The following IMPA1 variants were observed in gnomAD, a reference collection of about 807,000 sequenced individuals.
IMPA1 encodes the protein D-galactose 1-phosphate phosphatase.
In IMPA1, 21 loss-of-function variants were observed where a neutral mutation model predicts 34.9. The ratio of observed to expected loss-of-function variants is 0.60; its 90% CI spans 0.43 to 0.87. The LOEUF (loss-of-function observed/expected upper bound fraction) is 0.87. Ranked by LOEUF, IMPA1 falls within the 40% of genes least tolerant of loss-of-function variation. IMPA1 has a pLI of 0.00. For synonymous variants in IMPA1, 95 were observed against 104.4 expected, an observed-to-expected ratio of 0.91 and a Z score of 0.55; for missense variants, 299 against 336.4, an observed-to-expected ratio of 0.89 and a Z score of 0.87.
chr8:81,680,476 A>G (rs1309066604), intron 3 of IMPA1, among the ~76,000 whole-genome samples, 174 bp downstream of exon 3: 2 of 152,242 alleles, frequency 1.3e-5, no homozygotes, highest in Non-Finnish European at 2.9e-5. Flanking sequence ...ACGTGAGTGA[A>G]TGGATCCTTC....
chr8:81,658,679 A>G lies in IMPA1; in HGVS notation c.*672T>C, dbSNP rs78891846. On this transcript the variant is annotated 3_prime_UTR_variant, in exon 9 of 9. Transcript: ENST00000256108. ...GTATGGTAATGTGAAATGGCATGGTAACGTGAAATAAAAAAAATTTAACTA... is the reference window on the plus strand; with the variant it reads ...GTATGGTAATGTGAAATGGCATGGTGACGTGAAATAAAAAAAATTTAACTA... The G allele has an allele frequency of 0.051, 7,772 of 152,730 alleles. 221 individuals carry two copies. Among genetic ancestry groups the G allele is most frequent in the Middle Eastern group, 0.14 (40 of 294 alleles). 9.5% of individuals were successfully genotyped at this position (152,730 alleles called of 1,614,324 possible).
chr8:81,669,137 G>A (rs1231859726), intron 7 of IMPA1, among the ~76,000 whole-genome samples: 1 of 152,168 alleles, frequency 6.6e-6, no homozygotes, highest in African/African-American at 2.4e-5. Context: ...AGCCACAGTG[G>A]AACTGTGGGG....
chr8:81,663,513 C>A (rs2400590), intron 7 of IMPA1, among the ~76,000 whole-genome samples: 4,487 of 152,328 alleles, frequency 0.029, 97 homozygotes, highest in South Asian at 0.086. Context: ...CGATCTCAAG[C>A]AGCCACATCA....
At position 81,657,143 on chromosome 8, in the gene IMPA1, A is replaced by G. The variant is rs141693012; in HGVS notation, c.*2208T>C. On this transcript the variant is annotated 3_prime_UTR_variant, in exon 9 of 9. Transcript: ENST00000256108. ...TCTAAAGAAATTTCAGACACAAAAT[A>G]TGCAACTGCATTTAGAATAAACAGA... Among the ~76,000 whole-genome samples the G allele has an allele frequency of 3.9e-3, 591 of 152,358 alleles. No individual in the cohort carries two copies. The highest frequency in any genetic ancestry group is 7.3e-3 in the Admixed American group (112 of 15,304).
chr8:81,684,130 TACAC>T (rs987057002), intron 1 of IMPA1, among the ~76,000 whole-genome samples: 3 of 114,190 alleles, frequency 2.6e-5, no homozygotes, highest in Non-Finnish European at 5.9e-5. Flanking sequence ...CACACACACA[TACAC>T]ACATACACAC....
At chr8:81,668,225 C>T (rs1806890693) in intron 7 of IMPA1, among the ~76,000 whole-genome samples, 1 of 152,124 alleles carries the variant, frequency 6.6e-6, no homozygotes, top group South Asian at 2.1e-4. Context: ...TGCATGGTTA[C>T]TTTTGACCAT....
chr8:81,678,848 C>T (rs1421920381), intron 4 of IMPA1, among the ~76,000 whole-genome samples: 2 of 152,108 alleles, frequency 1.3e-5, no homozygotes, highest in Non-Finnish European at 2.9e-5. Flanking sequence ...GTTTGCTTCC[C>T]TTTTTAGATA....
chr8:81,680,797 T>C lies in IMPA1; in HGVS notation c.64-14A>G. On this transcript the variant is annotated splice_polypyrimidine_tract_variant and intron_variant, in intron 2 of 8. Coordinates refer to ENST00000256108, the MANE Select transcript of IMPA1 (RefSeq NM_005536.4). Reference sequence around the variant, plus strand: ...TTCACAAACTACCTAAAAAGAGGTTTTGGTAAGCAAATAGAAAAGGCATAA... The same window carrying C: ...TTCACAAACTACCTAAAAAGAGGTTCTGGTAAGCAAATAGAAAAGGCATAA... 1.9e-6 allele frequency: 3 copies of C among 1,575,428 alleles called. No individual in the cohort carries two copies. The highest frequency in any genetic ancestry group is 2.6e-6 in the Non-Finnish European group (3 of 1,154,142).
chr8:81,685,159 A>T (rs1807466472), intron 1 of IMPA1, among the ~76,000 whole-genome samples: 1 of 136,040 alleles, frequency 7.4e-6, no homozygotes, highest in African/African-American at 2.7e-5. Flanking sequence ...TATACTATAC[A>T]TAAGTATATT....
chr8:81,674,312 G>T, intron 5 of IMPA1: 1 of 191,876 alleles, frequency 5.2e-6, no homozygotes, highest in Non-Finnish European at 1.1e-5. Context: ...TAGTCTCTTG[G>T]ATTTTTCTTC....
chr8:81,668,927 A>G (rs977731322), intron 7 of IMPA1, among the ~76,000 whole-genome samples: 11 of 152,192 alleles, frequency 7.2e-5, no homozygotes, highest in Non-Finnish European at 1.0e-4. Flanking sequence ...TGCTCCCTAC[A>G]TCCCAGCCAA....
At position 81,658,792 on chromosome 8, in the gene IMPA1, T is replaced by C. The variant is rs1479772372; in HGVS notation, c.*559A>G. On this transcript the variant is annotated 3_prime_UTR_variant, in exon 9 of 9. Transcript: ENST00000256108. The stretch of plus-strand genomic sequence containing the variant: ...CTATTGTAACTAGGAATTACTACAT[T>C]AAAAATATTCATTCTTACAATGTTT... The C allele has an allele frequency of 6.6e-6, 1 of 152,668 alleles. No individual in the cohort carries two copies. The highest frequency in any genetic ancestry group is 1.5e-5 in the Non-Finnish European group (1 of 68,142). The allele number at this position is 152,668 out of a possible 1,614,324, so 9.5% of individuals were successfully genotyped here. A position where few individuals can be genotyped will look rare whatever the true frequency, so the allele number is the denominator to read the frequency against.
intron 1 of IMPA1, 72 bp downstream of exon 1, chr8:81,686,180 G>T: frequency 2.1e-6 from 2 of 962,184 alleles, no homozygotes; most frequent in Non-Finnish European, 1.3e-6. Flanking sequence ...CCTGAGGAGG[G>T]AAGGGGCCTC....
intron 1 of IMPA1, among the ~76,000 whole-genome samples, chr8:81,682,696 G>A (rs1281965307): frequency 2.0e-5 from 3 of 151,734 alleles, no homozygotes. Context: ...ATGTTCTCAA[G>A]CTGTACCTGC....
intron 7 of IMPA1, among the ~76,000 whole-genome samples, chr8:81,665,996 T>C (rs1806808525): frequency 6.6e-6 from 1 of 152,204 alleles, no homozygotes; most frequent in Non-Finnish European, 1.5e-5. Context: ...CCTGCAACAC[T>C]TCACAAAAGG....
At chr8:81,672,547 A>T (rs1448309411) in intron 6 of IMPA1, among the ~76,000 whole-genome samples, 2 of 152,216 alleles carry the variant, frequency 1.3e-5, no homozygotes, top group African/African-American at 2.4e-5. Context: ...ATTCCTGAGT[A>T]CAACTTTTCT....
At chr8:81,668,464 A>C (rs1806896679) in intron 7 of IMPA1, among the ~76,000 whole-genome samples, 1 of 152,122 alleles carries the variant, frequency 6.6e-6, no homozygotes, top group Non-Finnish European at 1.5e-5. Flanking sequence ...GTGGTGATGC[A>C]AACCTGTGGT....
At chr8:81,667,087 T>G (rs1034945657) in intron 7 of IMPA1, among the ~76,000 whole-genome samples, 1 of 151,880 alleles carries the variant, frequency 6.6e-6, no homozygotes, top group African/African-American at 2.4e-5. Flanking sequence ...AATAAAAGAC[T>G]GATACATCAG....
chr8:81,671,196 T>C (rs1806979612), intron 6 of IMPA1, 149 bp from the exon 7 acceptor site: 1 of 471,942 alleles, frequency 2.1e-6, no homozygotes, highest in Non-Finnish European at 3.7e-6. Flanking sequence ...AAATTAATTA[T>C]CCCTATGTGA....
Sources: allele counts gnomAD v4.1 joint callset (sites outside exome capture counted in the v4.1 genomes callset), GRCh38; gene constraint gnomAD v4.1.1; transcripts MANE v1.5; gene names NCBI Gene and HGNC (gene_info 2026-07-23, HGNC 2026-07-21).